CTIF: variants seen among roughly 807,000 people sequenced by gnomAD.
CTIF encodes the protein cap binding complex dependent translation initiation factor, also known as CBP80/20-dependent translation initiation factor.
Under a neutral mutation model 66.0 loss-of-function variants are expected in CTIF, and 21 were observed. The ratio of observed to expected loss-of-function variants is 0.32; its 90% CI spans 0.23 to 0.46. The LOEUF (loss-of-function observed/expected upper bound fraction) is 0.46. Ranked by LOEUF, CTIF falls within the 20% of genes least tolerant of loss-of-function variation. CTIF has a pLI of 1.00. For missense variants in CTIF, 739 were observed against 812.7 expected, an observed-to-expected ratio of 0.91 and a Z score of 1.10; for synonymous variants, 345 against 326.4, an observed-to-expected ratio of 1.06 and a Z score of -0.62.
intron 7 of CTIF, among the ~76,000 whole-genome samples, chr18:48,713,024 T>A (rs964448608): frequency 6.6e-6 from 1 of 152,084 alleles, no homozygotes; most frequent in Non-Finnish European, 1.5e-5. Context: ...CAGGAAGAGG[T>A]GGACCCAGGC....
chr18:48,815,196 C>T (rs2068337141), intron 9 of CTIF, among the ~76,000 whole-genome samples: 1 of 152,172 alleles, frequency 6.6e-6, no homozygotes, highest in Non-Finnish European at 1.5e-5. Flanking sequence ...ATATGTATCC[C>T]ATTGCATCAT....
At chr18:48,637,511 C>A (rs555026863) in intron 3 of CTIF, among the ~76,000 whole-genome samples, 1 of 152,314 alleles carries the variant, frequency 6.6e-6, no homozygotes, top group Non-Finnish European at 1.5e-5. Flanking sequence ...TGCGAGGGGC[C>A]ATGCCTGGTT....
At position 48,561,632 on chromosome 18, in the gene CTIF, G is replaced by A. The variant is rs547077812; in HGVS notation, c.-29+22320G>A. On this transcript the variant is annotated intron_variant, in intron 1 of 11. Coordinates refer to ENST00000256413, the MANE Select transcript of CTIF (RefSeq NM_014772.3). ...AAGCCCAAAGTATCACTGATGGAAA[G>A]CAATGGCCTCAGTGTCACTTTTTCT... Among the ~76,000 whole-genome samples, 98 of 152,350 alleles carry A rather than the reference G, an allele frequency of 6.4e-4. 3 individuals carry two copies. In the South Asian group the frequency reaches 0.019, roughly 30 times the overall value.
chr18:48,781,968 T>C (rs756315251), intron 9 of CTIF, among the ~76,000 whole-genome samples: 10 of 152,182 alleles, frequency 6.6e-5, no homozygotes, highest in Non-Finnish European at 1.5e-4. Context: ...TAAAGAGTTG[T>C]ACTGATTCAA....
intron 9 of CTIF, among the ~76,000 whole-genome samples, chr18:48,805,138 G>T (rs1464716187): frequency 6.6e-6 from 1 of 152,234 alleles, no homozygotes; most frequent in African/African-American, 2.4e-5. Flanking sequence ...GTGTCACAGT[G>T]TCTGTGGGTT....
intron 1 of CTIF, among the ~76,000 whole-genome samples, chr18:48,576,314 C>T (rs1214140387): frequency 6.6e-6 from 1 of 152,256 alleles, no homozygotes; most frequent in Non-Finnish European, 1.5e-5. Context: ...TGTCCTCTGG[C>T]CTGGCCATTG....
intron 1 of CTIF, among the ~76,000 whole-genome samples, chr18:48,560,516 C>A (rs957589389): frequency 2.0e-5 from 3 of 152,104 alleles, no homozygotes; most frequent in Non-Finnish European, 4.4e-5. Context: ...TGAGCCACCA[C>A]GCCCGGCTTG....
intron 3 of CTIF, among the ~76,000 whole-genome samples, chr18:48,642,448 A>G (rs2090952219): frequency 6.6e-6 from 1 of 152,182 alleles, no homozygotes; most frequent in Admixed American, 6.5e-5. Context: ...GATGTTAGCA[A>G]AGGTTGAGTA....
intron 9 of CTIF, among the ~76,000 whole-genome samples, chr18:48,785,046 T>C (rs1911580366): frequency 6.6e-6 from 1 of 152,254 alleles, no homozygotes; most frequent in African/African-American, 2.4e-5. Flanking sequence ...TTGCCTCTAG[T>C]TCTTTGTTTC....
intron 1 of CTIF, among the ~76,000 whole-genome samples, chr18:48,586,801 ATC>A (rs146573449): frequency 1.2e-3 from 189 of 152,296 alleles, no homozygotes; most frequent in Non-Finnish European, 1.6e-3. Flanking sequence ...AAAAAATATT[ATC>A]TCTACCCAGA....
chr18:48,609,895 T>C (rs938870311), intron 1 of CTIF, among the ~76,000 whole-genome samples: 2 of 152,086 alleles, frequency 1.3e-5, no homozygotes, highest in African/African-American at 4.8e-5. Flanking sequence ...TGGGTGACCT[T>C]GAGGGTGTGG....
At chr18:48,732,042 T>C (rs2092461142) in intron 7 of CTIF, among the ~76,000 whole-genome samples, 1 of 152,254 alleles carries the variant, frequency 6.6e-6, no homozygotes, top group African/African-American at 2.4e-5. Flanking sequence ...TGTTGTAGGT[T>C]ATCATGAATC....
chr18:48,674,553 C>G (rs1328580008), intron 6 of CTIF, among the ~76,000 whole-genome samples: 8 of 152,232 alleles, frequency 5.3e-5, no homozygotes, highest in African/African-American at 1.4e-4. Context: ...GGCGTCTGGC[C>G]AAGCTCCTCT....
intron 10 of CTIF, among the ~76,000 whole-genome samples, chr18:48,856,597 G>A (rs1437905216): frequency 3.9e-5 from 6 of 152,202 alleles, no homozygotes. Flanking sequence ...ATGAGATACT[G>A]GTATATGCTA....
chr18:48,780,320 A>C (rs12455125), intron 9 of CTIF, among the ~76,000 whole-genome samples: 50,778 of 152,120 alleles, frequency 0.33, 9,056 homozygotes, highest in African/African-American at 0.47. Context: ...CACAGCCCAG[A>C]GTGCTACCCG....
At chr18:48,550,352 G>T (rs2088853346) in intron 1 of CTIF, among the ~76,000 whole-genome samples, 1 of 152,240 alleles carries the variant, frequency 6.6e-6, no homozygotes, top group Non-Finnish European at 1.5e-5. Flanking sequence ...GCAGCTGTGG[G>T]TTGGGGAGAG....
At chr18:48,794,221 C>G (rs1350206697) in intron 9 of CTIF, among the ~76,000 whole-genome samples, 1 of 152,222 alleles carries the variant, frequency 6.6e-6, no homozygotes, top group African/African-American at 2.4e-5. Context: ...CAATACCACT[C>G]ACATCTTTTG....
chr18:48,657,997 G>A (rs1044344897), intron 3 of CTIF, among the ~76,000 whole-genome samples: 1 of 152,128 alleles, frequency 6.6e-6, no homozygotes, highest in Non-Finnish European at 1.5e-5. Context: ...GTTTCCTGGT[G>A]AGAAGTTCCA....
chr18:48,630,040 A>G (rs2090674237), intron 2 of CTIF, among the ~76,000 whole-genome samples: 1 of 152,236 alleles, frequency 6.6e-6, no homozygotes. Flanking sequence ...GAAAAATTCC[A>G]GAAATAAACA....
Sources: allele counts gnomAD v4.1 joint callset (sites outside exome capture counted in the v4.1 genomes callset), GRCh38; gene constraint gnomAD v4.1.1; transcripts MANE v1.5; gene names NCBI Gene and HGNC (gene_info 2026-07-23, HGNC 2026-07-21).